Variants in SH3RF2 observed in about 807,000 individuals in gnomAD.
SH3RF2 encodes E3 ubiquitin-protein ligase SH3RF2.
A neutral mutation model predicts 59.0 loss-of-function variants in SH3RF2; 43 were observed. The observed-to-expected ratio is 0.73, with a 90% CI of 0.57 to 0.94. SH3RF2 has a LOEUF of 0.94. SH3RF2 is among the 40% of genes least tolerant of loss of function. SH3RF2 has a pLI of 0.00. For missense variants in SH3RF2, 930 were observed against 940.1 expected, an observed-to-expected ratio of 0.99 and a Z score of 0.14; for synonymous variants, 391 against 391.5, an observed-to-expected ratio of 1.00 and a Z score of 0.01.
chr5:146,073,008 A>G (rs1244004328), intron 9 of SH3RF2, among the ~76,000 whole-genome samples: 1 of 152,176 alleles, frequency 6.6e-6, no homozygotes, highest in Non-Finnish European at 1.5e-5. Context: ...TACCATTATC[A>G]TTATTTACAT....
intron 4 of SH3RF2, among the ~76,000 whole-genome samples, chr5:146,011,709 G>C (rs1219918336): frequency 6.6e-6 from 1 of 152,172 alleles, no homozygotes; most frequent in East Asian, 1.9e-4. Flanking sequence ...AAGAATGCTT[G>C]TGATTTTTGC....
intron 5 of SH3RF2, among the ~76,000 whole-genome samples, chr5:146,027,522 A>G (rs4502881): frequency 0.29 from 44,133 of 152,230 alleles, 7,814 homozygotes; most frequent in Non-Finnish European, 0.38. Context: ...TGCTACAGCC[A>G]TGGAACCTCC....
rs138640381 is a variant in SH3RF2, at chr5:145,995,272, C to T, written c.379-4786C>T. 6.4e-3 allele frequency among the ~76,000 whole-genome samples: 977 copies of T among 152,300 alleles called. 16 individuals are homozygous for T. Among genetic ancestry groups the T allele is most frequent in the African/African-American group, 0.022 (935 of 41,556 alleles). ...AAAGGTTGCTTACTCCCACACTGGC[C>T]TGGACTTAATCACCAGAAAGGCTAA... On this transcript the variant is annotated intron_variant, in intron 2 of 9. Coordinates refer to ENST00000359120, the MANE Select transcript of SH3RF2 (RefSeq NM_152550.4).
intron 2 of SH3RF2, among the ~76,000 whole-genome samples, chr5:145,947,731 T>C (rs1482582061): frequency 2.6e-5 from 4 of 152,224 alleles, no homozygotes; most frequent in African/African-American, 9.6e-5. Context: ...ATTGTTATTA[T>C]TAATATTTCC....
In SH3RF2 at chr5:146,011,255, C is replaced by G. The variant is rs190101763; in HGVS notation, c.745-2492C>G. On this transcript the variant is annotated intron_variant, in intron 4 of 9. Coordinates refer to ENST00000359120, the MANE Select transcript of SH3RF2 (RefSeq NM_152550.4). ...TTGGTCTATATCTCTGTTTAGGTAC[C>G]AGTACCATGCTGTTTTGGTTACTGT... Among the ~76,000 whole-genome samples the G allele has an allele frequency of 2.0e-3, 298 of 152,256 alleles. 2 individuals carry two copies. The highest frequency in any genetic ancestry group is 5.4e-3 in the South Asian group (26 of 4,814).
intron 2 of SH3RF2, among the ~76,000 whole-genome samples, chr5:145,980,570 T>C (rs1016226529): frequency 6.6e-6 from 1 of 152,222 alleles, no homozygotes; most frequent in Non-Finnish European, 1.5e-5. Flanking sequence ...ATCTTTTACA[T>C]AGATTCTAGC....
intron 4 of SH3RF2, among the ~76,000 whole-genome samples, chr5:146,009,403 T>G (rs946005360): frequency 6.6e-6 from 1 of 152,150 alleles, no homozygotes; most frequent in East Asian, 1.9e-4. Flanking sequence ...TGTTTCTTTC[T>G]TCTGTCTTTT....
At chr5:146,065,705 A>C (rs1355348996), downstream of SH3RF2, among the ~76,000 whole-genome samples, 1 of 152,212 alleles carries the variant, frequency 6.6e-6, no homozygotes, top group African/African-American at 2.4e-5. Flanking sequence ...CCCAAAGAAA[A>C]TCCCATCTTT....
rs1762837361 is a variant in SH3RF2, at chr5:146,060,174, C to T, written c.1864C>T (p.Pro622Ser). 1 of 1,613,728 alleles carries T rather than the reference C, an allele frequency of 6.2e-7. No individual in the cohort carries two copies. The highest frequency in any genetic ancestry group is 8.5e-7 in the Non-Finnish European group (1 of 1,179,804). Residue 622 changes from proline to serine, a missense_variant, in exon 9 of 10, where the codon CCA (proline) becomes TCA (serine). By Grantham distance (74) the Pro-to-Ser change is moderately conservative (BLOSUM62 -1). Transcript: ENST00000359120. ...EPLPKPPASAPPSILVKPENS... is the reference protein window; with the variant it reads ...EPLPKPPASASPSILVKPENS... ...TCTGCCAAAACCGCCCGCATCTGCCCCACCATCCATCCTGGTGAAACCAGA... is the reference window on the plus strand; with the variant it reads ...TCTGCCAAAACCGCCCGCATCTGCCTCACCATCCATCCTGGTGAAACCAGA...
chr5:146,048,538 A>G (rs1762383474), intron 6 of SH3RF2, among the ~76,000 whole-genome samples: 2 of 152,256 alleles, frequency 1.3e-5, no homozygotes, highest in South Asian at 2.1e-4. Flanking sequence ...AGAAAAAACA[A>G]AACAAAAAAA....
chr5:145,996,031 C>T (rs1205070399), intron 2 of SH3RF2, among the ~76,000 whole-genome samples: 2 of 152,156 alleles, frequency 1.3e-5, no homozygotes, highest in Non-Finnish European at 2.9e-5. Context: ...CACCAGTTTC[C>T]TGGGGATGAG....
chr5:145,941,673 T>G (rs1430790966), intron 2 of SH3RF2, among the ~76,000 whole-genome samples: 2 of 152,224 alleles, frequency 1.3e-5, no homozygotes, highest in Admixed American at 6.5e-5. Flanking sequence ...TCTGTGGACT[T>G]GGGTTTGAGA....
chr5:145,983,338 G>A (rs1368966491), intron 2 of SH3RF2, among the ~76,000 whole-genome samples: 1 of 150,766 alleles, frequency 6.6e-6, no homozygotes, highest in African/African-American at 2.4e-5. Context: ...AAAGCAATGA[G>A]AAGAGTAGAA....
chr5:146,072,199 T>C (rs1041500083), intron 9 of SH3RF2, among the ~76,000 whole-genome samples: 1 of 152,170 alleles, frequency 6.6e-6, no homozygotes, highest in African/African-American at 2.4e-5. Flanking sequence ...TGAGCCTTTC[T>C]TTACTCATCA....
intron 5 of SH3RF2, among the ~76,000 whole-genome samples, chr5:146,021,636 T>A (rs1761322586): frequency 6.6e-6 from 1 of 152,204 alleles, no homozygotes; most frequent in Admixed American, 6.5e-5. Context: ...TCTCTTAAAT[T>A]ACCAGTTAAG....
chr5:146,064,699 A>G (rs373606701), downstream of SH3RF2, among the ~76,000 whole-genome samples: 50 of 9,970 alleles, frequency 5.0e-3, no homozygotes, highest in East Asian at 8.9e-3. Flanking sequence ...AGAAAGAAAG[A>G]AAGAAAGAAA....
At chr5:146,037,533 C>A (rs1451335963) in intron 5 of SH3RF2, among the ~76,000 whole-genome samples, 2 of 152,214 alleles carry the variant, frequency 1.3e-5, no homozygotes, top group Non-Finnish European at 2.9e-5. Flanking sequence ...CTAAGTACCA[C>A]CTTTTCTCCC....
At chr5:145,983,213 A>G (rs1759570584) in intron 2 of SH3RF2, among the ~76,000 whole-genome samples, 1 of 150,752 alleles carries the variant, frequency 6.6e-6, no homozygotes, top group Admixed American at 6.6e-5. Flanking sequence ...GAGTATTTAT[A>G]CCAGGGAAAT....
intron 2 of SH3RF2, among the ~76,000 whole-genome samples, chr5:145,996,117 A>G (rs1198021058): frequency 6.6e-6 from 1 of 152,234 alleles, no homozygotes; most frequent in African/African-American, 2.4e-5. Context: ...CACCTCCACC[A>G]TTCCATCAGC....
Sources: allele counts gnomAD v4.1 joint callset (sites outside exome capture counted in the v4.1 genomes callset), GRCh38; gene constraint gnomAD v4.1.1; transcripts MANE v1.5; gene names NCBI Gene and HGNC (gene_info 2026-07-23, HGNC 2026-07-21).